FARP1: variants seen among roughly 807,000 people sequenced by gnomAD.
The protein encoded by FARP1 is FERM, ARH/RhoGEF and pleckstrin domain protein 1.
Under a neutral mutation model 128.8 loss-of-function variants are expected in FARP1, and 52 were observed. That is an observed-to-expected ratio of 0.40 (90% CI 0.32 to 0.51). The LOEUF is 0.51. FARP1 is among the 20% of genes least tolerant of loss of function. The pLI is 0.45. For missense variants in FARP1, 1,333 were observed against 1,367.9 expected (o/e 0.97, Z 0.40); for synonymous variants, 580 against 551.8 (o/e 1.05, Z -0.72).
intron 2 of FARP1, among the ~76,000 whole-genome samples, chr13:98,316,336 C>G (rs1330102287): frequency 6.6e-6 from 1 of 152,176 alleles, no homozygotes; most frequent in African/African-American, 2.4e-5. Context: ...AAGTTGTTTC[C>G]TTGTGAAAAA....
intron 8 of FARP1, among the ~76,000 whole-genome samples, chr13:98,387,776 T>G (rs1288409153): frequency 6.6e-6 from 1 of 152,172 alleles, no homozygotes; most frequent in Non-Finnish European, 1.5e-5. Context: ...GTTCTACCGG[T>G]GCTGTTGGAA....
In FARP1 at chr13:98,203,347, C is replaced by G. The variant is rs143170342; in HGVS notation, c.-23-9873C>G. On this transcript the variant is annotated intron_variant, in intron 1 of 26. Transcript: ENST00000319562. ...GGTGACCATCACCACGGTCCAGTTT[C>G]AGAACATTTCTATCTCCCCAAAAAG... is the stretch of plus-strand genomic sequence containing the variant. Among the ~76,000 whole-genome samples, 9 of 152,320 alleles carry G rather than the reference C, an allele frequency of 5.9e-5. No homozygotes were observed. In the East Asian group the frequency reaches 1.7e-3, roughly 29 times the overall value.
At chr13:98,185,949 C>T (rs1337274514) in intron 1 of FARP1, among the ~76,000 whole-genome samples, 4 of 152,258 alleles carry the variant, frequency 2.6e-5, no homozygotes, top group East Asian at 3.9e-4. Context: ...CCGCCTGCCT[C>T]GGCCTCCCAA....
intron 18 of FARP1, 138 bp from the exon 19 acceptor site, chr13:98,435,438 C>A: frequency 1.3e-6 from 1 of 753,208 alleles, no homozygotes. Flanking sequence ...AGAAATAGCA[C>A]TGTTTTTGCT....
At chr13:98,261,199 G>A (rs1883863206) in intron 2 of FARP1, among the ~76,000 whole-genome samples, 1 of 152,202 alleles carries the variant, frequency 6.6e-6, no homozygotes, top group Non-Finnish European at 1.5e-5. Context: ...GCTTTTCTAG[G>A]TGAGGCCTGA....
chr13:98,315,272 C>A (rs960825752), intron 2 of FARP1, among the ~76,000 whole-genome samples: 2 of 152,134 alleles, frequency 1.3e-5, no homozygotes, highest in African/African-American at 4.8e-5. Context: ...CCATGCCCAG[C>A]TGTTTAACGT....
chr13:98,234,058 T>C (rs534943594), intron 2 of FARP1: 1 of 152,350 alleles, frequency 6.6e-6, no homozygotes, highest in South Asian at 2.1e-4. Flanking sequence ...GCTTCTAAGC[T>C]TTCATTTTAT....
intron 2 of FARP1, among the ~76,000 whole-genome samples, chr13:98,235,566 G>A (rs1173294771): frequency 1.3e-5 from 2 of 152,140 alleles, no homozygotes; most frequent in African/African-American, 4.8e-5. Context: ...ACATTTGACC[G>A]ATAGCTTAGA....
intron 2 of FARP1, among the ~76,000 whole-genome samples, chr13:98,216,288 C>A (rs1161963911): frequency 6.6e-6 from 1 of 152,134 alleles, no homozygotes; most frequent in East Asian, 1.9e-4. Context: ...CTGTGATGGC[C>A]CAGTCATCAG....
intron 2 of FARP1, among the ~76,000 whole-genome samples, chr13:98,236,294 T>A (rs1020402104): frequency 6.6e-6 from 1 of 152,186 alleles, no homozygotes; most frequent in Admixed American, 6.5e-5. Flanking sequence ...GCAGCACCTG[T>A]ATGAAAACTT....
chr13:98,170,278 T>C (rs1403635928), intron 1 of FARP1, among the ~76,000 whole-genome samples: 1 of 149,038 alleles, frequency 6.7e-6, no homozygotes, highest in Non-Finnish European at 1.5e-5. Context: ...CTGCCTCCCG[T>C]GTTCAAGCAA....
intron 2 of FARP1, among the ~76,000 whole-genome samples, chr13:98,311,484 A>T (rs1459347988): frequency 1.3e-5 from 2 of 152,146 alleles, no homozygotes; most frequent in African/African-American, 4.8e-5. Flanking sequence ...ATTTCATGAC[A>T]TACTCTCTTC....
chr13:98,199,537 G>A (rs2139263017), intron 1 of FARP1, among the ~76,000 whole-genome samples: 1 of 152,156 alleles, frequency 6.6e-6, no homozygotes, highest in East Asian at 1.9e-4. Context: ...TGAACATTGG[G>A]TTTGTTATTT....
intron 2 of FARP1, among the ~76,000 whole-genome samples, chr13:98,275,954 C>T (rs1353607715): frequency 6.6e-6 from 1 of 152,176 alleles, no homozygotes; most frequent in Admixed American, 6.5e-5. Flanking sequence ...GTGAAACTGA[C>T]AAAGGTCGGC....
At position 98,395,296 on chromosome 13, in the gene FARP1, G is replaced by A; in HGVS notation, c.1234G>A (p.Gly412Arg). 1 of 1,609,728 alleles carries A rather than the reference G, an allele frequency of 6.2e-7. No homozygotes were observed. Among genetic ancestry groups the A allele is most frequent in the Non-Finnish European group, 8.5e-7 (1 of 1,176,774 alleles). Residue 412 changes from glycine (G) to arginine (R), a missense_variant, in exon 13 of 27, where the codon GGA becomes AGA. This residue lies in a region of FARP1 where 1,009 missense variants were observed against 969.8 expected (regional missense o/e 1.04). Transcript: ENST00000319562. ...TCCAGGGGGCCAGAGCTGCCGGCGA[G>A]GAAAGGAACCGAAGGTTTCCGCCGG... ...ESPGGQSCRR[G>R]KEPKVSAGEP...
intron 2 of FARP1, among the ~76,000 whole-genome samples, chr13:98,236,091 A>G (rs978974427): frequency 1.3e-5 from 2 of 152,096 alleles, no homozygotes; most frequent in Admixed American, 1.3e-4. Flanking sequence ...TCCGAAACTC[A>G]TATAATTGGA....
At chr13:98,249,728 G>T (rs1028047474) in intron 2 of FARP1, among the ~76,000 whole-genome samples, 2 of 152,114 alleles carry the variant, frequency 1.3e-5, no homozygotes, top group African/African-American at 4.8e-5. Flanking sequence ...CACAGGCCTT[G>T]TGTTTACACC....
intron 2 of FARP1, among the ~76,000 whole-genome samples, chr13:98,322,560 TCAGTGCTCCTTAGCC>T (rs1197820168): frequency 8.4e-4 from 101 of 119,762 alleles, no homozygotes; most frequent in African/African-American, 2.7e-3. Context: ...TCCTTAGCCG[TCAGTGCTCCTTAGCC>T]GAGTACAGTT....
intron 17 of FARP1, among the ~76,000 whole-genome samples, chr13:98,424,921 A>G (rs1452684678): frequency 6.7e-6 from 1 of 149,342 alleles, no homozygotes; most frequent in Non-Finnish European, 1.5e-5. Flanking sequence ...CTCATCAGCT[A>G]TCGTTAGTGT....
Sources: allele counts gnomAD v4.1 joint callset (sites outside exome capture counted in the v4.1 genomes callset), GRCh38; gene constraint gnomAD v4.1.1; regional missense constraint gnomAD v4.1.1; transcripts MANE v1.5; gene names NCBI Gene and HGNC (gene_info 2026-07-23, HGNC 2026-07-21).